SLC35D4: variants seen among roughly 807,000 people sequenced by gnomAD.
SLC35D4 encodes UDP-N-acetylglucosamine transporter SLC35D4.
At chr18:23,257,791 A>G in the SLC35D4 span, 2 of 159,392 alleles carry the variant, frequency 1.3e-5, no homozygotes, top group African/African-American at 4.8e-5. Context: ...CTTTTAAAAG[A>G]TACCCTCATT....
At chr18:23,244,033 T>C in the SLC35D4 span, among the ~76,000 whole-genome samples, 4 of 152,228 alleles carry the variant, frequency 2.6e-5, no homozygotes, top group African/African-American at 9.7e-5. Context: ...TTTCTATGTA[T>C]TTGTCTCGGA....
the SLC35D4 span, among the ~76,000 whole-genome samples, chr18:23,397,176 A>T: frequency 2.0e-5 from 3 of 152,132 alleles, no homozygotes; most frequent in Admixed American, 2.0e-4. Flanking sequence ...CCAGGCAGAG[A>T]TCCTACATGA....
chr18:23,413,687 G>A, the SLC35D4 span, among the ~76,000 whole-genome samples: 3 of 152,154 alleles, frequency 2.0e-5, no homozygotes, highest in Non-Finnish European at 2.9e-5. Context: ...TACTTTGGGA[G>A]GCTGAGGTGG....
the SLC35D4 span, among the ~76,000 whole-genome samples, chr18:23,345,481 C>CAAAAAA: frequency 1.7e-4 from 10 of 57,236 alleles, no homozygotes; most frequent in Non-Finnish European, 2.2e-4. Flanking sequence ...GACTCCATCT[C>CAAAAAA]AAAAAAAAAA....
chr18:23,268,736 T>C, the SLC35D4 span, among the ~76,000 whole-genome samples: 9 of 152,124 alleles, frequency 5.9e-5, no homozygotes, highest in Admixed American at 5.9e-4. Context: ...CACAGCATAT[T>C]TTTAGTAGGA....
At chr18:23,351,657 C>G in the SLC35D4 span, among the ~76,000 whole-genome samples, 1 of 152,124 alleles carries the variant, frequency 6.6e-6, no homozygotes, top group African/African-American at 2.4e-5. Flanking sequence ...CTCACAGGCA[C>G]TAAGGAAATG....
chr18:23,363,129 C>T, the SLC35D4 span, among the ~76,000 whole-genome samples: 1 of 151,244 alleles, frequency 6.6e-6, no homozygotes, highest in East Asian at 2.0e-4. Flanking sequence ...CCTATAATCC[C>T]AGCTACTCAG....
At chr18:23,378,538 T>C in the SLC35D4 span, among the ~76,000 whole-genome samples, 12 of 152,232 alleles carry the variant, frequency 7.9e-5, no homozygotes, top group Admixed American at 5.9e-4. Context: ...TTACCTGTAA[T>C]GAAGACATTC....
the SLC35D4 span, among the ~76,000 whole-genome samples, chr18:23,313,156 A>AAAAAAAAAAAAAAAAAAAAAAAAAAAT: frequency 6.8e-6 from 1 of 146,628 alleles, no homozygotes; most frequent in Non-Finnish European, 1.5e-5. Flanking sequence ...AAAAAAAAAA[A>AAAAAAAAAAAAAAAAAAAAAAAAAAAT]AGAACCTGAG....
At chr18:23,421,306 T>C in the SLC35D4 span, 4 of 1,367,278 alleles carry the variant, frequency 2.9e-6, no homozygotes, top group Non-Finnish European at 4.2e-6. Flanking sequence ...TATGAAATTA[T>C]ATAATATCAA....
the SLC35D4 span, chr18:23,370,216 CT>C: frequency 2.5e-6 from 4 of 1,603,644 alleles, no homozygotes; most frequent in South Asian, 4.5e-5. Flanking sequence ...AAGAGTTTAC[CT>C]TAATGCACTG....
the SLC35D4 span, among the ~76,000 whole-genome samples, chr18:23,313,213 A>C: frequency 6.9e-6 from 1 of 145,650 alleles, no homozygotes; most frequent in East Asian, 2.1e-4. Flanking sequence ...CAGGCTTGGT[A>C]CTGGCTTCCT....
At chr18:23,254,715 T>C in the SLC35D4 span, among the ~76,000 whole-genome samples, 1 of 152,212 alleles carries the variant, frequency 6.6e-6, no homozygotes, top group Non-Finnish European at 1.5e-5. Flanking sequence ...CCATCCTTAA[T>C]TGCAGAGAAA....
the SLC35D4 span, among the ~76,000 whole-genome samples, chr18:23,404,625 G>A: frequency 6.8e-6 from 1 of 146,956 alleles, no homozygotes; most frequent in East Asian, 2.0e-4. Context: ...CCGAGTAGAG[G>A]TTTCAGTGAG....
the SLC35D4 span, among the ~76,000 whole-genome samples, chr18:23,268,003 T>A: frequency 6.6e-6 from 1 of 152,232 alleles, no homozygotes; most frequent in African/African-American, 2.4e-5. Context: ...GGCCTCATTT[T>A]TGGGAGACAC....
chr18:23,283,569 G>A, the SLC35D4 span, among the ~76,000 whole-genome samples: 1 of 152,050 alleles, frequency 6.6e-6, no homozygotes, highest in Non-Finnish European at 1.5e-5. Context: ...CAGCACTTTG[G>A]GAGGCTGAGG....
the SLC35D4 span, among the ~76,000 whole-genome samples, chr18:23,247,294 G>A: frequency 6.6e-6 from 1 of 152,262 alleles, no homozygotes; most frequent in African/African-American, 2.4e-5. Flanking sequence ...AGGACCTGCA[G>A]CTGAGAGGAC....
At chr18:23,275,271 C>A in the SLC35D4 span, among the ~76,000 whole-genome samples, 2 of 152,228 alleles carry the variant, frequency 1.3e-5, no homozygotes, top group African/African-American at 4.8e-5. Context: ...AGACCTTGGG[C>A]GCCTCCAGAT....
chr18:23,421,434 G>A, the SLC35D4 span: 3 of 1,613,998 alleles, frequency 1.9e-6, no homozygotes, highest in African/African-American at 2.7e-5. Flanking sequence ...CCACCAATGA[G>A]CGTCTGCCAC....
Sources: gnomAD v4.1 joint callset for allele counts (sites outside exome capture counted in the v4.1 genomes callset) on GRCh38, gnomAD v4.1.1 for gene constraint, MANE v1.5 for transcripts, NCBI Gene and HGNC (gene_info 2026-07-23, HGNC 2026-07-21) for gene names.